EPHB2: variants seen among roughly 807,000 people sequenced by gnomAD.
EPHB2 encodes the protein ephrin type-B receptor 2.
Under a neutral mutation model 96.4 loss-of-function variants are expected in EPHB2, and 18 were observed. The observed-to-expected ratio is 0.19, with a 90% CI of 0.13 to 0.28. The LOEUF (loss-of-function observed/expected upper bound fraction) is 0.28, where lower values mean the gene tolerates loss of function less well. Among genes scored for constraint, EPHB2 ranks in the 10% least tolerant of loss-of-function variants. EPHB2 has a pLI of 1.00. For synonymous variants in EPHB2, 506 were observed against 534.1 expected (o/e 0.95, Z 0.72); for missense variants, 989 against 1,355.4 (o/e 0.73, Z 4.25).
intron 5 of EPHB2, among the ~76,000 whole-genome samples, chr1:22,869,810 A>G (rs1570414486): frequency 6.6e-6 from 1 of 152,158 alleles, no homozygotes; most frequent in East Asian, 1.9e-4. Flanking sequence ...CCCCAGCACC[A>G]TGGCCTTCTA....
intron 3 of EPHB2, chr1:22,836,556 T>A (rs1430187641): frequency 6.6e-6 from 1 of 152,252 alleles, no homozygotes; most frequent in African/African-American, 2.4e-5. Context: ...AGGTAAGGTC[T>A]TAACAGCCAG....
intron 1 of EPHB2, among the ~76,000 whole-genome samples, chr1:22,763,538 C>G (rs182471336): frequency 6.6e-6 from 1 of 152,066 alleles, no homozygotes; most frequent in African/African-American, 2.4e-5. Flanking sequence ...GGCCCTCCCC[C>G]CCACTTCAAA....
chr1:22,717,908 T>G (rs951553838), intron 1 of EPHB2, among the ~76,000 whole-genome samples: 1 of 152,194 alleles, frequency 6.6e-6, no homozygotes, highest in Non-Finnish European at 1.5e-5. Context: ...GAGCCTTGGT[T>G]TCCTCATCTT....
At chr1:22,804,187 C>T (rs780819392) in intron 3 of EPHB2, among the ~76,000 whole-genome samples, 3 of 152,168 alleles carry the variant, frequency 2.0e-5, no homozygotes, top group African/African-American at 4.8e-5. Context: ...CAGGCTGCCG[C>T]GGCCAGTGTA....
intron 3 of EPHB2, among the ~76,000 whole-genome samples, chr1:22,810,787 C>T (rs1258066882): frequency 6.6e-6 from 1 of 152,148 alleles, no homozygotes; most frequent in Non-Finnish European, 1.5e-5. Context: ...ACTTAATTTC[C>T]CCTGAAATGT....
rs180810246 is a variant in EPHB2, at chr1:22,913,847, A to C, written c.*277A>C. ...TAAAGAGGATTCTCATAAGGAAAGC[A>C]ATGACTGTTCTTGCGGGGGATAAAA... On this transcript the variant is annotated 3_prime_UTR_variant, in exon 16 of 16. Coordinates refer to ENST00000374630, the MANE Select transcript of EPHB2 (RefSeq NM_017449.5). This position sits in a 1 kb window ranked among gnomAD's most constrained non-coding sequence, Gnocchi z 4.1. The C allele has an allele frequency of 3.4e-5, 55 of 1,608,534 alleles. No homozygotes were observed. The African/African-American group carries it at 6.8e-4, about 20-fold the overall frequency.
intron 1 of EPHB2, among the ~76,000 whole-genome samples, chr1:22,711,583 C>A (rs1005548262): frequency 6.6e-6 from 1 of 151,728 alleles, no homozygotes; most frequent in African/African-American, 2.4e-5. Context: ...TGGAAGGGAG[C>A]GCGCCAGCCC....
intron 1 of EPHB2, among the ~76,000 whole-genome samples, chr1:22,725,641 T>A (rs535342698): frequency 1.3e-5 from 2 of 152,278 alleles, no homozygotes; most frequent in South Asian, 4.2e-4. Context: ...TGCCAAGGTT[T>A]TTGCACTGGG....
chr1:22,811,971 C>T (rs1281950903), intron 3 of EPHB2, among the ~76,000 whole-genome samples: 1 of 152,168 alleles, frequency 6.6e-6, no homozygotes, highest in South Asian at 2.1e-4. Flanking sequence ...CCTAAGAGGT[C>T]GAGGCTGCAG....
At chr1:22,892,840 T>C (rs764455821) in intron 6 of EPHB2, 44 bp from the exon 7 acceptor site, 1 of 1,613,938 alleles carries the variant, frequency 6.2e-7, no homozygotes, top group African/African-American at 1.3e-5. Flanking sequence ...CTGGACCCAC[T>C]ATGAGCCACA....
intron 1 of EPHB2, among the ~76,000 whole-genome samples, chr1:22,755,921 T>C (rs778573853): frequency 6.6e-5 from 10 of 152,134 alleles, no homozygotes; most frequent in Non-Finnish European, 1.5e-4. Context: ...GCTCATCTTA[T>C]GTAATTTCAC....
At chr1:22,723,311 G>A (rs759990589) in intron 1 of EPHB2, among the ~76,000 whole-genome samples, 2 of 152,246 alleles carry the variant, frequency 1.3e-5, no homozygotes, top group Non-Finnish European at 2.9e-5. Flanking sequence ...TGGAACCCAC[G>A]AAAGGCCATG....
intron 1 of EPHB2, among the ~76,000 whole-genome samples, chr1:22,763,139 C>T (rs1644258123): frequency 6.6e-6 from 1 of 152,188 alleles, no homozygotes; most frequent in South Asian, 2.1e-4. Context: ...CATGGAGGAC[C>T]TGAGCTGCCT....
intron 1 of EPHB2, among the ~76,000 whole-genome samples, chr1:22,759,490 G>C (rs1644204846): frequency 6.6e-6 from 1 of 152,104 alleles, no homozygotes; most frequent in South Asian, 2.1e-4. Context: ...CATTCCTCTT[G>C]GAGTCGGCTG....
intron 8 of EPHB2, among the ~76,000 whole-genome samples, chr1:22,896,213 G>C (rs1384856930): frequency 6.6e-6 from 1 of 152,168 alleles, no homozygotes; most frequent in African/African-American, 2.4e-5. Flanking sequence ...GCTGGAGGGG[G>C]AGGAACTGGG....
chr1:22,798,558 A>G (rs1350748455), intron 3 of EPHB2, among the ~76,000 whole-genome samples: 1 of 151,698 alleles, frequency 6.6e-6, no homozygotes, highest in Non-Finnish European at 1.5e-5. Context: ...GTGGTCCTAG[A>G]CCAGAGGCTG....
At chr1:22,768,245 C>T (rs1644332808) in intron 1 of EPHB2, among the ~76,000 whole-genome samples, 1 of 152,202 alleles carries the variant, frequency 6.6e-6, no homozygotes, top group African/African-American at 2.4e-5. Flanking sequence ...CCTGGAGAAG[C>T]CCTCCATACC....
At chr1:22,879,499 G>A (rs908662314) in intron 5 of EPHB2, among the ~76,000 whole-genome samples, 2 of 152,218 alleles carry the variant, frequency 1.3e-5, no homozygotes, top group African/African-American at 4.8e-5. Context: ...TCCACGGGGA[G>A]GGATGGCGCT....
chr1:22,729,863 G>A (rs559660682), intron 1 of EPHB2, among the ~76,000 whole-genome samples: 5 of 152,290 alleles, frequency 3.3e-5, no homozygotes, highest in African/African-American at 7.2e-5. Flanking sequence ...CTAGCATAGC[G>A]CCCAGCCCCT....
Sources: gnomAD v4.1 joint callset for allele counts (sites outside exome capture counted in the v4.1 genomes callset) on GRCh38, gnomAD v4.1.1 for gene constraint, Gnocchi (gnomAD v3.1) non-coding constraint, MANE v1.5 for transcripts, NCBI Gene and HGNC (gene_info 2026-07-23, HGNC 2026-07-21) for gene names.